The following ZNF750 variants were observed in gnomAD, a reference collection of about 807,000 sequenced individuals.
The protein encoded by ZNF750 is zinc finger protein 750, also known as protein ZNF750.
In ZNF750, 10 loss-of-function variants were observed where a neutral mutation model predicts 31.6. The ratio of observed to expected loss-of-function variants is 0.32; its 90% confidence interval spans 0.19 to 0.54. The LOEUF is 0.54. Among genes scored for constraint, ZNF750 ranks in the 20% least tolerant of loss-of-function variants. The probability of loss-of-function intolerance (pLI) is 0.95; values close to 1 mark genes in which losing one functional copy is unlikely to be tolerated. For missense variants in ZNF750, 914 were observed against 934.9 expected (o/e 0.98, Z 0.29); for synonymous variants, 400 against 404.9 (o/e 0.99, Z 0.15).
chr17:82,838,539 A>G (rs902612065), intron 1 of ZNF750: 5 of 583,960 alleles, frequency 8.6e-6, no homozygotes, highest in African/African-American at 2.0e-5. Flanking sequence ...TGCTGTAATT[A>G]CAATATTGTG....
At position 82,830,697 on chromosome 17, in the gene ZNF750, T is replaced by C; in HGVS notation, c.1617A>G (p.Glu539=). ...EPTYQGSPQA[E]TASFSELQDL... ...CCTGCAGCTCTGAGAAGCTGGCGGTTTCCGCCTGGGGGCTGCCTTGGTACG... is the reference window on the plus strand; with the variant it reads ...CCTGCAGCTCTGAGAAGCTGGCGGTCTCCGCCTGGGGGCTGCCTTGGTACG... The change falls in exon 3 of 3, where the codon GAA becomes GAG. Residue 539 remains glutamate, a synonymous_variant. Transcript: ENST00000269394. The C allele has an allele frequency of 2.5e-6, 4 of 1,613,950 alleles. No homozygotes were observed. The highest frequency in any genetic ancestry group is 2.5e-6 in the Non-Finnish European group (3 of 1,179,982).
chr17:82,832,022 C>A lies in ZNF750; in HGVS notation c.433G>T (p.Ala145Ser). The A allele has an allele frequency of 6.2e-7, 1 of 1,612,610 alleles. No individual in the cohort carries two copies. The highest frequency in any genetic ancestry group is 1.1e-5 in the South Asian group (1 of 91,070). The change falls in exon 2 of 3, where the codon GCC (alanine) becomes TCC (serine). Residue 145 changes from alanine to serine, a missense_variant. This residue lies in a region of ZNF750 where 880 missense variants were observed against 868.9 expected (regional missense o/e 1.01). Transcript: ENST00000269394. The surrounding 1 kb of genome is among the most constrained non-coding windows in gnomAD (Gnocchi z 4.9). ...ASPCKSPAPE[A>S]ALGAQPALEG... is the part of the protein sequence containing the mutation. The stretch of plus-strand genomic sequence containing the variant: ...AGAGCAGGCTGGGCACCGAGGGCGG[C>A]TTCCGGAGCTGGGCTCTTGCAGGGT...
chr17:82,834,222 AG>A lies in ZNF750; in HGVS notation c.-182-1587del, dbSNP rs571243690. Among the ~76,000 whole-genome samples the A allele has an allele frequency of 1.3e-4, 20 of 152,278 alleles. No homozygotes were observed. In the East Asian group the frequency reaches 3.7e-3, roughly 28 times the overall value. On this transcript the variant is annotated intron_variant, in intron 1 of 2. Coordinates refer to ENST00000269394, the MANE Select transcript of ZNF750 (RefSeq NM_024702.3). Reference sequence around the variant, plus strand: ...CTTAGCCTCCCAAAGTGCTGGGATTAGAGGCGTGAGCCACCGCACCCGTCCC... The same window carrying A: ...CTTAGCCTCCCAAAGTGCTGGGATTAAGGCGTGAGCCACCGCACCCGTCCC...
rs145370898 is a variant in ZNF750 at position 82,835,417 on chromosome 17, ATTTC to A, written c.-182-2785_-182-2782del. 0.11 allele frequency among the ~76,000 whole-genome samples: 16,376 copies of A among 151,716 alleles called. 1,166 individuals carry two copies. Among genetic ancestry groups the A allele is most frequent in the South Asian group, 0.29 (1,402 of 4,768 alleles). The stretch of plus-strand genomic sequence containing the variant: ...CTGGTTTCTCTACTGATTTATTCAT[ATTTC>A]TTTCTTTCTTTCTTTTTTGAGACGG... On this transcript the variant is annotated intron_variant, in intron 1 of 2. Transcript: ENST00000269394. This position sits in a 1 kb window ranked among gnomAD's most constrained non-coding sequence, Gnocchi z 4.5.
At chr17:82,839,259 C>T (rs773462369) in intron 1 of ZNF750, among the ~76,000 whole-genome samples, 1 of 152,138 alleles carries the variant, frequency 6.6e-6, no homozygotes, top group Non-Finnish European at 1.5e-5. Context: ...TGTGTATACA[C>T]CACACATATA....
At chr17:82,839,381 G>A (rs542221059) in intron 1 of ZNF750, among the ~76,000 whole-genome samples, 1 of 149,970 alleles carries the variant, frequency 6.7e-6, no homozygotes, top group African/African-American at 2.5e-5. Flanking sequence ...TCAGCCTAAT[G>A]TACATACACC....
At chr17:82,830,918 G>T (rs749324501) in intron 2 of ZNF750, 41 bp from the exon 3 acceptor site, 1 of 1,613,076 alleles carries the variant, frequency 6.2e-7, no homozygotes, top group Admixed American at 1.7e-5. Flanking sequence ...AGCTTGCTTA[G>T]AAAAGCAACT....
In ZNF750 at chr17:82,832,026, C is replaced by T. The variant is rs142460137; in HGVS notation, c.429G>A (p.Pro143=). 155 of 1,612,504 alleles carry T rather than the reference C, an allele frequency of 9.6e-5. 1 individual carries two copies. The Middle Eastern group carries it at 1.3e-3, about 14-fold the overall frequency. The change falls in exon 2 of 3, where the codon CCG becomes CCA. Residue 143 remains proline, a synonymous_variant. Transcript: ENST00000269394. This position sits in a 1 kb window ranked among gnomAD's most constrained non-coding sequence, Gnocchi z 4.9. ...HRASPCKSPA[P]EAALGAQPAL... is the part of the protein sequence containing the mutation. ...CAGGCTGGGCACCGAGGGCGGCTTCCGGAGCTGGGCTCTTGCAGGGTGATG... is the reference window on the plus strand; with the variant it reads ...CAGGCTGGGCACCGAGGGCGGCTTCTGGAGCTGGGCTCTTGCAGGGTGATG...
At position 82,829,856 on chromosome 17, in the gene ZNF750, T is replaced by C; in HGVS notation, c.*286A>G. 4.4e-6 allele frequency: 2 copies of C among 455,112 alleles called. No homozygotes were observed. The highest frequency in any genetic ancestry group is 7.5e-5 in the East Asian group (2 of 26,566). 28.2% of individuals were successfully genotyped at this position (455,112 alleles called of 1,614,324 possible). A position where few individuals can be genotyped will look rare whatever the true frequency, so the allele number is the denominator to read the frequency against. On this transcript the variant is annotated 3_prime_UTR_variant, in exon 3 of 3. Coordinates refer to ENST00000269394, the MANE Select transcript of ZNF750 (RefSeq NM_024702.3). ...GGTGAGATATTTATAAGGAAACATT[T>C]ATAAAAGATCTTCTGTAAGACAGCT...
chr17:82,837,750 C>A (rs962294814), intron 1 of ZNF750, among the ~76,000 whole-genome samples: 1 of 152,216 alleles, frequency 6.6e-6, no homozygotes, highest in African/African-American at 2.4e-5. Flanking sequence ...GTGGCTGTTG[C>A]TGAAATACTT....
rs1422896489 is a variant in ZNF750, at chr17:82,835,589, A to T, written c.-182-2953T>A. 1.3e-5 allele frequency among the ~76,000 whole-genome samples: 2 copies of T among 151,534 alleles called. No individual in the cohort carries two copies. The highest frequency in any genetic ancestry group is 2.9e-5 in the Non-Finnish European group (2 of 67,860). ...AGGTGCCTACCACCACGCCCAGCTA[A>T]TTTTTTTGTAATTTTAGTAGAGATG... On this transcript the variant is annotated intron_variant, in intron 1 of 2. Transcript: ENST00000269394. The surrounding 1 kb of genome is among the most constrained non-coding windows in gnomAD (Gnocchi z 4.5).
At chr17:82,836,582 C>T (rs2053995161) in intron 1 of ZNF750, among the ~76,000 whole-genome samples, 1 of 151,702 alleles carries the variant, frequency 6.6e-6, no homozygotes, top group South Asian at 2.1e-4. Context: ...CCTCTAGCGC[C>T]TGAAACACAA....
rs552754438 is a variant in ZNF750 at position 82,836,595 on chromosome 17, G to C, written c.-183+3332C>G. ...TACCTCTAGCGCCTGAAACACAAGCGCTCAGAGGAGCAAATGATTCCCTCA... is the reference window on the plus strand; with the variant it reads ...TACCTCTAGCGCCTGAAACACAAGCCCTCAGAGGAGCAAATGATTCCCTCA... On this transcript the variant is annotated intron_variant, in intron 1 of 2. Transcript: ENST00000269394. Among the ~76,000 whole-genome samples the C allele has an allele frequency of 2.0e-5, 3 of 151,106 alleles. No individual in the cohort carries two copies. In the South Asian group the frequency reaches 6.3e-4, roughly 32 times the overall value.
rs1327602840 is a variant in ZNF750, at chr17:82,832,033, G to T, written c.422C>A (p.Pro141Gln). The stretch of plus-strand genomic sequence containing the variant: ...GGCACCGAGGGCGGCTTCCGGAGCT[G>T]GGCTCTTGCAGGGTGATGCCCTGTG... ...ALHRASPCKS[P>Q]APEAALGAQP... The change falls in exon 2 of 3, where the codon CCA becomes CAA. Residue 141 changes from proline (P) to glutamine (Q), a missense_variant. Physicochemically the swap from Pro to Gln is moderately conservative, Grantham distance 76. Coordinates refer to ENST00000269394, the MANE Select transcript of ZNF750 (RefSeq NM_024702.3). The surrounding 1 kb of genome is among the most constrained non-coding windows in gnomAD (Gnocchi z 4.9). 3.7e-6 allele frequency: 6 copies of T among 1,612,736 alleles called. No homozygotes were observed. The highest frequency in any genetic ancestry group is 5.1e-6 in the Non-Finnish European group (6 of 1,178,972).
Position 82,830,592 on chromosome 17 carries a change from AG to A in ZNF750, c.1721del (p.Ala574ValfsTer97). On this transcript the variant is annotated frameshift_variant, in exon 3 of 3. Coordinates refer to ENST00000269394, the MANE Select transcript of ZNF750 (RefSeq NM_024702.3). LOFTEE classifies it low-confidence loss of function (END_TRUNC). ...PRPAFPGRPR[A>X]AEPAAAVPQK... The stretch of plus-strand genomic sequence containing the variant: ...GTGGAACAGCAGCAGCAGGTTCTGC[AG>A]CTCGTGGTCGACCGGGGAAGGCAGG... 1 of 1,614,012 alleles carries A rather than the reference AG, an allele frequency of 6.2e-7. No individual in the cohort carries two copies. The highest frequency in any genetic ancestry group is 8.5e-7 in the Non-Finnish European group (1 of 1,179,960).
Position 82,830,301 on chromosome 17 carries a change from G to A in ZNF750, c.2013C>T (p.Ser671=). The part of the protein sequence containing the change: ...PACRQDTPTL[S]SMESQEAQCD... ...ACTGGGCCTCTTGGCTCTCCATGGA[G>A]CTCAGTGTGGGTGTGTCTTGCCGGC... Residue 671 remains serine (S), a synonymous_variant, in exon 3 of 3, where the codon AGC becomes AGT. Transcript: ENST00000269394. The A allele has an allele frequency of 6.2e-7, 1 of 1,614,224 alleles. No individual in the cohort carries two copies.
rs763514618 is a variant in ZNF750, at chr17:82,830,790, G to A, written c.1524C>T (p.Ser508=). The part of the protein sequence containing the change: ...SEAAPSSPDD[S]SGMGPLNLSK... ...AGAGGTTGAGGGGGCCCATCCCGGAGCTGTCGTCCGGACTGGAAGGCGCGG... is the reference window on the plus strand; with the variant it reads ...AGAGGTTGAGGGGGCCCATCCCGGAACTGTCGTCCGGACTGGAAGGCGCGG... The change falls in exon 3 of 3, where the codon AGC becomes AGT. Residue 508 remains serine, a synonymous_variant. Coordinates refer to ENST00000269394, the MANE Select transcript of ZNF750 (RefSeq NM_024702.3). 2 of 1,613,534 alleles carry A rather than the reference G, an allele frequency of 1.2e-6. No homozygotes were observed. The highest frequency in any genetic ancestry group is 2.7e-5 in the African/African-American group (2 of 74,926).
rs766284222 is a variant in ZNF750, at chr17:82,830,300, A to G, written c.2014T>C (p.Ser672Pro). The change falls in exon 3 of 3, where the codon TCC becomes CCC. Residue 672 changes from serine to proline, a missense_variant. Ser to Pro is a moderately conservative substitution (Grantham distance 74, BLOSUM62 -1). Around this residue, in one of 2 missense-constraint regions of ZNF750, gnomAD observed 880 missense variants for 868.9 expected, o/e 1.01. Coordinates refer to ENST00000269394, the MANE Select transcript of ZNF750 (RefSeq NM_024702.3). ...CACTGGGCCTCTTGGCTCTCCATGG[A>G]GCTCAGTGTGGGTGTGTCTTGCCGG... ...ACRQDTPTLS[S>P]MESQEAQCDL... is the part of the protein sequence containing the mutation. 1 of 1,613,796 alleles carries G rather than the reference A, an allele frequency of 6.2e-7. No individual in the cohort carries two copies. Among genetic ancestry groups the G allele is most frequent in the African/African-American group, 1.3e-5 (1 of 74,816 alleles).
rs779910455 is a variant in ZNF750 at position 82,830,596 on chromosome 17, C to T, written c.1718G>A (p.Arg573Gln). ...APRPAFPGRP[R>Q]AAEPAAAVPQ... ...AACAGCAGCAGCAGGTTCTGCAGCT[C>T]GTGGTCGACCGGGGAAGGCAGGCCT... Residue 573 changes from arginine to glutamine, a missense_variant, in exon 3 of 3, where the codon CGA (arginine) becomes CAA (glutamine). By Grantham distance (43) the Arg-to-Gln change is conservative. This residue lies in a region of ZNF750 where 880 missense variants were observed against 868.9 expected (regional missense o/e 1.01). Coordinates refer to ENST00000269394, the MANE Select transcript of ZNF750 (RefSeq NM_024702.3). The T allele has an allele frequency of 3.7e-6, 6 of 1,613,902 alleles. No individual in the cohort carries two copies. Among genetic ancestry groups the T allele is most frequent in the Admixed American group, 1.7e-5 (1 of 59,994 alleles).
Sources: gnomAD v4.1 joint callset for allele counts (sites outside exome capture counted in the v4.1 genomes callset) on GRCh38, gnomAD v4.1.1 for gene constraint, gnomAD v4.1.1 regional missense constraint, Gnocchi (gnomAD v3.1) non-coding constraint, MANE v1.5 for transcripts, NCBI Gene and HGNC (gene_info 2026-07-23, HGNC 2026-07-21) for gene names.